Variants in OARD1 observed in about 807,000 individuals in gnomAD.
OARD1 encodes the protein O-acyl-ADP-ribose deacylase 1.
Under a neutral mutation model 19.7 loss-of-function variants are expected in OARD1, and 19 were observed. The ratio of observed to expected loss-of-function variants is 0.96; its 90% CI spans 0.67 to 1.41. The LOEUF (loss-of-function observed/expected upper bound fraction) is 1.41. Ranked by LOEUF, OARD1 falls within the 40% of genes most tolerant of loss-of-function variation. OARD1 has a pLI of 0.00. For synonymous variants in OARD1, 70 were observed against 61.8 expected, an observed-to-expected ratio of 1.13 and a Z score of -0.62; for missense variants, 190 against 183.8, an observed-to-expected ratio of 1.03 and a Z score of -0.20.
upstream of OARD1, chr6:41,075,468 G>A (rs1375812385): frequency 6.6e-6 from 1 of 151,590 alleles, no homozygotes; most frequent in East Asian, 1.9e-4. Flanking sequence ...TAACTTTTTT[G>A]CTAAATACCT....
At chr6:41,089,944 C>T (rs1764156426) in intron 1 of OARD1, among the ~76,000 whole-genome samples, 2 of 151,962 alleles carry the variant, frequency 1.3e-5, no homozygotes, top group South Asian at 4.1e-4. Context: ...ATGGTGAAGC[C>T]CCGTCAAAAT....
intron 1 of OARD1, among the ~76,000 whole-genome samples, chr6:41,086,734 A>G (rs564440151): frequency 5.4e-4 from 82 of 152,298 alleles, no homozygotes; most frequent in Middle Eastern, 3.4e-3. Flanking sequence ...ACAGCCAAGA[A>G]ATAGATAGAA....
At chr6:41,084,941 C>G (rs1426931070) in intron 1 of OARD1, among the ~76,000 whole-genome samples, 1 of 151,962 alleles carries the variant, frequency 6.6e-6, no homozygotes, top group Non-Finnish European at 1.5e-5. Flanking sequence ...AGGCTGGGCA[C>G]CAGAGCAAGA....
At chr6:41,088,731 T>C (rs564159738) in intron 1 of OARD1, among the ~76,000 whole-genome samples, 3 of 151,882 alleles carry the variant, frequency 2.0e-5, no homozygotes, top group South Asian at 4.2e-4. Context: ...ACCACAGGCA[T>C]GTCCTACCAT....
At chr6:41,092,217 G>A (rs1425808174) in intron 1 of OARD1, among the ~76,000 whole-genome samples, 1 of 152,294 alleles carries the variant, frequency 6.6e-6, no homozygotes, top group African/African-American at 2.4e-5. Flanking sequence ...CACAGAGGTG[G>A]AGGAAGCTAT....
chr6:41,071,301 C>A (rs1240236618), intron 2 of OARD1, 25 bp from the exon 3 acceptor site: 1 of 1,609,254 alleles, frequency 6.2e-7, no homozygotes. Context: ...AAGGAAAAGA[C>A]AATGTTTTAT....
At chr6:41,093,650 T>C (rs1764259832) in intron 1 of OARD1, among the ~76,000 whole-genome samples, 1 of 152,166 alleles carries the variant, frequency 6.6e-6, no homozygotes, top group African/African-American at 2.4e-5. Flanking sequence ...TTTGTGTTTT[T>C]AGTAGAGACG....
Position 41,068,937 on chromosome 6 carries a change from G to A in OARD1, c.260C>T (p.Ala87Val). The A allele has an allele frequency of 6.2e-7, 1 of 1,600,174 alleles. No individual in the cohort carries two copies. Among genetic ancestry groups the A allele is most frequent in the African/African-American group, 1.3e-5 (1 of 74,426 alleles). ...YIYYLITKKR[A>V]SHKPTYENLQ... ...GTTTTCATAAGTTGGCTTGTGCGAA[G>A]CCCTTTTCTTTGTAATCTGAACACA... The change falls in exon 5 of 6, where the codon GCT (alanine) becomes GTT (valine). Residue 87 changes from alanine to valine, a missense_variant. Ala to Val is a moderately conservative substitution (Grantham distance 64). Coordinates refer to ENST00000424266, the MANE Select transcript of OARD1 (RefSeq NM_001329686.2).
At chr6:41,074,423 C>A (rs1056971327), upstream of OARD1, among the ~76,000 whole-genome samples, 2 of 152,162 alleles carry the variant, frequency 1.3e-5, no homozygotes, top group Admixed American at 1.3e-4. Flanking sequence ...TAATACCTAA[C>A]GGTTAGTGCT....
chr6:41,082,437 G>A (rs529708954), intron 1 of OARD1, among the ~76,000 whole-genome samples: 30 of 152,310 alleles, frequency 2.0e-4, no homozygotes, highest in Middle Eastern at 3.4e-3. Flanking sequence ...TGATGCATGT[G>A]TCTTTGTAAC....
At chr6:41,083,040 G>A (rs1763950369) in intron 1 of OARD1, among the ~76,000 whole-genome samples, 1 of 152,188 alleles carries the variant, frequency 6.6e-6, no homozygotes, top group Admixed American at 6.5e-5. Context: ...CTTTCATTAA[G>A]TGTGAATATT....
At chr6:41,069,093 T>C in intron 4 of OARD1, 140 bp from the exon 5 acceptor site, 1 of 549,068 alleles carries the variant, frequency 1.8e-6, no homozygotes, top group African/African-American at 1.9e-5. Flanking sequence ...ACAAATGTCA[T>C]ATTGCCCTTT....
intron 1 of OARD1, chr6:41,089,699 G>A: frequency 6.2e-7 from 1 of 1,612,066 alleles, no homozygotes; most frequent in Non-Finnish European, 8.5e-7. Context: ...TGTCACTGCT[G>A]GCCAGACTCA....
chr6:41,077,706 G>A (rs1490965732), intron 1 of OARD1, among the ~76,000 whole-genome samples: 1 of 152,064 alleles, frequency 6.6e-6, no homozygotes, highest in Non-Finnish European at 1.5e-5. Context: ...TCAGAAAACC[G>A]GTTTGTCATG....
At chr6:41,093,079 G>A in intron 1 of OARD1, 2 of 1,614,058 alleles carry the variant, frequency 1.2e-6, no homozygotes, top group Non-Finnish European at 1.7e-6. Context: ...TTCCAAAGGA[G>A]AGAAGGGTAT....
At chr6:41,094,493 T>A in intron 1 of OARD1, 2 of 1,612,530 alleles carry the variant, frequency 1.2e-6, no homozygotes, top group Non-Finnish European at 1.7e-6. Flanking sequence ...AGTCCCCATA[T>A]GCAGGTAGGA....
Position 41,065,383 on chromosome 6 carries a change from C to G in OARD1, c.*1952G>C, listed in dbSNP as rs563819528. Reference sequence around the variant, plus strand: ...CATACACATTCAGTACACCCTTCAACTGAACTCAACTTAAGATGGGGTTAC... The same window carrying G: ...CATACACATTCAGTACACCCTTCAAGTGAACTCAACTTAAGATGGGGTTAC... On this transcript the variant is annotated 3_prime_UTR_variant, in exon 6 of 6. Transcript: ENST00000424266. 1.6e-4 allele frequency: 24 copies of G among 152,302 alleles called. No homozygotes were observed. Among genetic ancestry groups the G allele is most frequent in the Admixed American group, 7.2e-4 (11 of 15,290 alleles). The allele number at this position is 152,302 out of a possible 1,614,324, so 9.4% of individuals were successfully genotyped here.
At chr6:41,085,621 G>A (rs992985191) in intron 1 of OARD1, among the ~76,000 whole-genome samples, 4 of 152,056 alleles carry the variant, frequency 2.6e-5, no homozygotes, top group Admixed American at 2.6e-4. Context: ...TTTTCTGGAG[G>A]AATTTAAGTT....
chr6:41,086,623 C>A (rs1022952625), intron 1 of OARD1, among the ~76,000 whole-genome samples: 1 of 152,084 alleles, frequency 6.6e-6, no homozygotes. Context: ...GTAAAGCTTG[C>A]ACCCTCTAAG....
Sources: gnomAD v4.1 joint callset for allele counts (sites outside exome capture counted in the v4.1 genomes callset) on GRCh38, gnomAD v4.1.1 for gene constraint, MANE v1.5 for transcripts, NCBI Gene and HGNC (gene_info 2026-07-23, HGNC 2026-07-21) for gene names.